Variants in ADARB2 observed in about 807,000 individuals in gnomAD.
ADARB2 encodes the protein inactive double-stranded RNA-specific editase B2.
In ADARB2, 25 loss-of-function variants were observed where a neutral mutation model predicts 62.2. The observed-to-expected ratio is 0.40, with a 90% CI of 0.29 to 0.56. The LOEUF (loss-of-function observed/expected upper bound fraction) is 0.56, where lower values mean the gene tolerates loss of function less well. ADARB2 is among the 20% of genes least tolerant of loss of function. ADARB2 has a pLI of 0.43. For missense variants in ADARB2, 1,071 were observed against 1,077.4 expected, an observed-to-expected ratio of 0.99 and a Z score of 0.08; for synonymous variants, 572 against 500.8, an observed-to-expected ratio of 1.14 and a Z score of -1.90.
At chr10:1,320,669 C>CAG (rs929038807) in intron 3 of ADARB2, among the ~76,000 whole-genome samples, 4 of 152,170 alleles carry the variant, frequency 2.6e-5, no homozygotes, top group African/African-American at 9.7e-5. Flanking sequence ...GTCCTTCTGC[C>CAG]AGAGAACAGC....
intron 1 of ADARB2, among the ~76,000 whole-genome samples, chr10:1,717,472 C>T (rs1475156973): frequency 6.6e-6 from 1 of 151,874 alleles, no homozygotes; most frequent in Non-Finnish European, 1.5e-5. Flanking sequence ...CTTTTCTTTT[C>T]TGTTCTTTTC....
chr10:1,329,723 C>A (rs986671528), intron 3 of ADARB2, among the ~76,000 whole-genome samples: 8 of 152,140 alleles, frequency 5.3e-5, no homozygotes, highest in African/African-American at 1.9e-4. Context: ...ACATCCCTGC[C>A]AGGCACTGGT....
chr10:1,449,546 C>T (rs1588262075), intron 1 of ADARB2, among the ~76,000 whole-genome samples: 3 of 152,348 alleles, frequency 2.0e-5, no homozygotes, highest in Admixed American at 2.0e-4. Context: ...CATCAGATAG[C>T]TTCATAAAGT....
intron 3 of ADARB2, among the ~76,000 whole-genome samples, chr10:1,282,322 G>A (rs556745734): frequency 6.6e-6 from 1 of 152,226 alleles, no homozygotes; most frequent in Non-Finnish European, 1.5e-5. Context: ...TTGCTTTTTT[G>A]CACTGCGTCC....
At chr10:1,572,953 C>T (rs906439624) in intron 1 of ADARB2, among the ~76,000 whole-genome samples, 4 of 152,248 alleles carry the variant, frequency 2.6e-5, no homozygotes, top group Non-Finnish European at 5.9e-5. Flanking sequence ...GCAGCGGTGA[C>T]CTTTCTCCAC....
chr10:1,284,397 G>A (rs1248510672), intron 3 of ADARB2, among the ~76,000 whole-genome samples: 1 of 152,150 alleles, frequency 6.6e-6, no homozygotes, highest in African/African-American at 2.4e-5. Flanking sequence ...TAGATGTAAG[G>A]TGAATTATGA....
intron 1 of ADARB2, among the ~76,000 whole-genome samples, chr10:1,494,395 G>C (rs1453737741): frequency 6.6e-6 from 1 of 152,088 alleles, no homozygotes; most frequent in East Asian, 1.9e-4. Flanking sequence ...ATGGTAAATG[G>C]AAATGGTGTA....
intron 1 of ADARB2, among the ~76,000 whole-genome samples, chr10:1,516,853 A>G (rs956413010): frequency 6.6e-6 from 1 of 152,188 alleles, no homozygotes; most frequent in African/African-American, 2.4e-5. Flanking sequence ...TCAGGCAATG[A>G]CAGCGCATGG....
At chr10:1,257,992 ATCTT>A (rs2131787788) in intron 4 of ADARB2, among the ~76,000 whole-genome samples, 1 of 152,298 alleles carries the variant, frequency 6.6e-6, no homozygotes, top group South Asian at 2.1e-4. Flanking sequence ...CCTTTAGAAT[ATCTT>A]TATTATATCT....
intron 4 of ADARB2, among the ~76,000 whole-genome samples, chr10:1,259,031 A>G (rs561344361): frequency 1.3e-5 from 2 of 152,358 alleles, no homozygotes; most frequent in Admixed American, 1.3e-4. Context: ...AAACTGAACA[A>G]CCTGCTCCTG....
chr10:1,374,169 G>A (rs1832401789), intron 2 of ADARB2, among the ~76,000 whole-genome samples: 1 of 152,178 alleles, frequency 6.6e-6, no homozygotes, highest in Non-Finnish European at 1.5e-5. Context: ...GCGGCACCAG[G>A]TTTTCAGAGA....
intron 1 of ADARB2, among the ~76,000 whole-genome samples, chr10:1,514,863 T>C (rs1394349257): frequency 6.6e-6 from 1 of 152,146 alleles, no homozygotes; most frequent in East Asian, 1.9e-4. Context: ...CGTTGCAGGA[T>C]GGAGTGGAGC....
rs138785387 is a variant in ADARB2, at chr10:1,185,012, G to A, written c.1892C>T (p.Pro631Leu). Residue 631 changes from proline to leucine, a missense_variant, in exon 9 of 10, where the codon CCG (proline) becomes CTG (leucine). Transcript: ENST00000381312. ...SGVSDAEARQ[P>L]GKSPPFSMNW... The stretch of plus-strand genomic sequence containing the variant: ...CATGCTGAAGGGGGGCGACTTCCCC[G>A]GCTGGCGCGCCTCGGCGTCACTCAC... 1.9e-5 allele frequency: 30 copies of A among 1,612,960 alleles called. No homozygotes were observed. The highest frequency in any genetic ancestry group is 6.7e-5 in the Admixed American group (4 of 59,984).
Position 1,382,691 on chromosome 10 carries a change from A to G in ADARB2, c.101-3531T>C, listed in dbSNP as rs189637787. ...CTGGTTTTACTCAAGCTTCTGATGA[A>G]AAAAGGATGCCATACTTTTTTTTTT... On this transcript the variant is annotated intron_variant, in intron 1 of 9. Coordinates refer to ENST00000381312, the MANE Select transcript of ADARB2 (RefSeq NM_018702.4). Among the ~76,000 whole-genome samples the G allele has an allele frequency of 3.0e-3, 456 of 150,498 alleles. 3 individuals carry two copies. The highest frequency in any genetic ancestry group is 0.01 in the Middle Eastern group (3 of 294).
intron 1 of ADARB2, among the ~76,000 whole-genome samples, chr10:1,625,663 G>A (rs1373799008): frequency 6.6e-6 from 1 of 152,114 alleles, no homozygotes; most frequent in Admixed American, 6.5e-5. Flanking sequence ...ATACAGAATT[G>A]ACACATGTCC....
At chr10:1,383,725 G>A (rs1046717335) in intron 1 of ADARB2, among the ~76,000 whole-genome samples, 1 of 152,244 alleles carries the variant, frequency 6.6e-6, no homozygotes, top group Non-Finnish European at 1.5e-5. Flanking sequence ...ATTCTGCAAA[G>A]AATCTGAGAC....
intron 1 of ADARB2, among the ~76,000 whole-genome samples, chr10:1,489,947 G>A: frequency 6.6e-6 from 1 of 152,190 alleles, no homozygotes; most frequent in East Asian, 1.9e-4. Context: ...TTCATATCAT[G>A]AGGGTCTGTC....
chr10:1,262,240 T>C (rs1246416869), intron 4 of ADARB2, among the ~76,000 whole-genome samples: 3 of 147,048 alleles, frequency 2.0e-5, no homozygotes, highest in Admixed American at 6.7e-5. Context: ...CATGTATGCA[T>C]ATGTAACTAA....
intron 1 of ADARB2, among the ~76,000 whole-genome samples, chr10:1,515,176 C>T (rs1254379972): frequency 6.6e-6 from 1 of 152,184 alleles, no homozygotes; most frequent in East Asian, 1.9e-4. Context: ...TATGGAATAG[C>T]CAGGAAGCAG....
Sources: gnomAD v4.1 joint callset for allele counts (sites outside exome capture counted in the v4.1 genomes callset) on GRCh38, gnomAD v4.1.1 for gene constraint, MANE v1.5 for transcripts, NCBI Gene and HGNC (gene_info 2026-07-23, HGNC 2026-07-21) for gene names.